The following PTPRN2 variants were observed in gnomAD, a reference collection of about 807,000 sequenced individuals.
The protein encoded by PTPRN2 is protein tyrosine phosphatase receptor type N2, also known as receptor-type tyrosine-protein phosphatase N2.
In PTPRN2, 74 loss-of-function variants were observed where a neutral mutation model predicts 118.8. The observed-to-expected ratio is 0.62, with a 90% CI of 0.52 to 0.76. PTPRN2 has a LOEUF of 0.76. Among genes scored for constraint, PTPRN2 ranks in the 30% least tolerant of loss-of-function variants. PTPRN2 has a pLI of 0.00. For synonymous variants in PTPRN2, 641 were observed against 608.0 expected (o/e 1.05, Z -0.80); for missense variants, 1,481 against 1,394.4 (o/e 1.06, Z -0.99).
At chr7:158,124,614 G>A (rs1817463635) in intron 9 of PTPRN2, among the ~76,000 whole-genome samples, 1 of 152,234 alleles carries the variant, frequency 6.6e-6, no homozygotes, top group Non-Finnish European at 1.5e-5. Context: ...GGGAAAGAGG[G>A]GTGTGGACAG....
At chr7:157,669,569 C>T (rs1334860905) in intron 13 of PTPRN2, 3 of 487,988 alleles carry the variant, frequency 6.1e-6, no homozygotes, top group African/African-American at 2.0e-5. Flanking sequence ...GGAAGGGGTT[C>T]CACGCACGGG....
intron 12 of PTPRN2, among the ~76,000 whole-genome samples, chr7:157,849,852 G>A (rs1186475477): frequency 6.6e-6 from 1 of 152,116 alleles, no homozygotes; most frequent in Non-Finnish European, 1.5e-5. Flanking sequence ...CTAAACTTAG[G>A]GTTCGATCAC....
intron 3 of PTPRN2, among the ~76,000 whole-genome samples, chr7:158,313,900 T>A (rs1346441511): frequency 1.3e-5 from 2 of 152,242 alleles, no homozygotes; most frequent in Non-Finnish European, 2.9e-5. Context: ...TATTTTTCTA[T>A]CCCTCCTTTT....
In PTPRN2 at chr7:158,544,196, A is replaced by G. The variant is rs1826151883; in HGVS notation, c.112+43362T>C. On this transcript the variant is annotated intron_variant, in intron 1 of 22. Transcript: ENST00000389418. The surrounding 1 kb of genome is among the most constrained non-coding windows in gnomAD (Gnocchi z 4.2). ...CTGCCTCTCCCCAAAACAGACTATC[A>G]TTACCCGGTGTGACTGGGCCAATGA... Among the ~76,000 whole-genome samples the G allele has an allele frequency of 6.6e-6, 1 of 152,036 alleles. No individual in the cohort carries two copies. Among genetic ancestry groups the G allele is most frequent in the African/African-American group, 2.4e-5 (1 of 41,386 alleles).
At chr7:157,758,826 C>T (rs1801966009) in intron 12 of PTPRN2, among the ~76,000 whole-genome samples, 1 of 152,180 alleles carries the variant, frequency 6.6e-6, no homozygotes, top group Non-Finnish European at 1.5e-5. Context: ...TTTCACGGGA[C>T]TCCTAGTGGC....
chr7:158,265,302 A>G (rs1486685361), intron 3 of PTPRN2, among the ~76,000 whole-genome samples: 1 of 152,042 alleles, frequency 6.6e-6, no homozygotes, highest in Non-Finnish European at 1.5e-5. Context: ...ACACGAGCAC[A>G]TACCTGCAGG....
intron 12 of PTPRN2, among the ~76,000 whole-genome samples, chr7:157,761,893 C>T (rs910854939): frequency 1.2e-4 from 19 of 152,062 alleles, no homozygotes; most frequent in Admixed American, 1.2e-3. Context: ...TGAACTCAAA[C>T]AAATTTACAA....
chr7:158,146,584 G>A (rs1004309566), intron 6 of PTPRN2, among the ~76,000 whole-genome samples: 3 of 151,446 alleles, frequency 2.0e-5, no homozygotes, highest in Non-Finnish European at 2.9e-5. Flanking sequence ...AGCCAGGCGT[G>A]GTGGCGGGCG....
chr7:157,798,832 T>C (rs1426095838), intron 12 of PTPRN2, among the ~76,000 whole-genome samples: 2 of 125,828 alleles, frequency 1.6e-5, no homozygotes, highest in Non-Finnish European at 1.7e-5. Flanking sequence ...TGGGGTGGGG[T>C]GGGGCAGGGT....
chr7:157,873,895 G>T (rs1420385109), intron 12 of PTPRN2, among the ~76,000 whole-genome samples: 1 of 152,112 alleles, frequency 6.6e-6, no homozygotes, highest in African/African-American at 2.4e-5. Context: ...CACAAGAGGG[G>T]CTTCAGGGCA....
chr7:158,270,834 GACCCCCTCACCTGGA>G (rs1798348895), intron 3 of PTPRN2, among the ~76,000 whole-genome samples: 880 of 7,648 alleles, frequency 0.12, 132 homozygotes, highest in African/African-American at 0.31. Flanking sequence ...CCACCTGGAT[GACCCCCTCACCTGGA>G]CCGCCCCCCC....
chr7:157,954,083 T>A (rs1385965614), intron 11 of PTPRN2, among the ~76,000 whole-genome samples: 2 of 152,136 alleles, frequency 1.3e-5, no homozygotes, highest in Non-Finnish European at 2.9e-5. Flanking sequence ...TTCCTAGATC[T>A]GTGGTGTGTG....
chr7:158,580,453 T>C (rs1828562731), intron 1 of PTPRN2, among the ~76,000 whole-genome samples: 1 of 152,190 alleles, frequency 6.6e-6, no homozygotes, highest in Non-Finnish European at 1.5e-5. Flanking sequence ...TTGTGCTGTA[T>C]ACAGAACACT....
At chr7:158,456,711 A>G (rs1248216057) in intron 2 of PTPRN2, among the ~76,000 whole-genome samples, 5 of 152,236 alleles carry the variant, frequency 3.3e-5, no homozygotes, top group Non-Finnish European at 7.3e-5. Flanking sequence ...TTGAGGGTGG[A>G]GTCAGTTAGA....
At chr7:158,197,575 C>T (rs1292508738) in intron 4 of PTPRN2, among the ~76,000 whole-genome samples, 1 of 152,108 alleles carries the variant, frequency 6.6e-6, no homozygotes, top group African/African-American at 2.4e-5. Context: ...TTACTTTGTT[C>T]CCACACTGCT....
intron 12 of PTPRN2, among the ~76,000 whole-genome samples, chr7:157,822,174 C>T (rs940376047): frequency 6.6e-6 from 1 of 151,892 alleles, no homozygotes; most frequent in Non-Finnish European, 1.5e-5. Context: ...ATACACTATC[C>T]ATCATCCATC....
chr7:158,383,732 G>A (rs1039473301), intron 2 of PTPRN2, among the ~76,000 whole-genome samples: 2 of 152,160 alleles, frequency 1.3e-5, no homozygotes, highest in Admixed American at 1.3e-4. Context: ...CTCAGGGTGA[G>A]AGTTTATGGA....
chr7:158,310,438 G>A (rs112112718), intron 3 of PTPRN2, among the ~76,000 whole-genome samples: 2 of 152,344 alleles, frequency 1.3e-5, no homozygotes, highest in Non-Finnish European at 2.9e-5. Flanking sequence ...TGTGCTCCTC[G>A]CAGAGTGGTG....
chr7:158,327,588 ACACT>A (rs549254358), intron 2 of PTPRN2, among the ~76,000 whole-genome samples: 22 of 152,336 alleles, frequency 1.4e-4, no homozygotes, highest in South Asian at 4.1e-4. Flanking sequence ...TCTCATGTAC[ACACT>A]CACTACTCAC....
Sources: gnomAD v4.1 joint callset for allele counts (sites outside exome capture counted in the v4.1 genomes callset) on GRCh38, gnomAD v4.1.1 for gene constraint, Gnocchi (gnomAD v3.1) non-coding constraint, MANE v1.5 for transcripts, NCBI Gene and HGNC (gene_info 2026-07-23, HGNC 2026-07-21) for gene names.